Variants in RNPC3 observed in about 807,000 individuals in gnomAD.
RNPC3 encodes RNA binding region (RNP1, RRM) containing 3, also known as RNA-binding region-containing protein 3.
Under a neutral mutation model 67.5 loss-of-function variants are expected in RNPC3, and 48 were observed. The ratio of observed to expected loss-of-function variants is 0.71; its 90% CI spans 0.56 to 0.90. The LOEUF is 0.90. Ranked by LOEUF, RNPC3 falls within the 40% of genes least tolerant of loss-of-function variation. The pLI is 0.00. For missense variants in RNPC3, 637 were observed against 626.1 expected, an observed-to-expected ratio of 1.02 and a Z score of -0.19; for synonymous variants, 239 against 210.3, an observed-to-expected ratio of 1.14 and a Z score of -1.18.
rs1321796342 is a variant in RNPC3 at position 103,536,134 on chromosome 1, T to C, written c.564T>C (p.His188=). The stretch of plus-strand genomic sequence containing the variant: ...TGTCTTACCACTTTAAGGTCCTTCA[T>C]CTTATGAATAAAATGAATTTGCCCA... The part of the protein sequence containing the change: ...SVPKFYVQVL[H]LMNKMNLPTP... Residue 188 remains histidine, a synonymous_variant, in exon 6 of 15, where the codon CAT becomes CAC. Coordinates refer to ENST00000423855, the MANE Select transcript of RNPC3 (RefSeq NM_017619.4). 1 of 1,534,570 alleles carries C rather than the reference T, an allele frequency of 6.5e-7. No homozygotes were observed. The highest frequency in any genetic ancestry group is 1.4e-5 in the African/African-American group (1 of 72,980).
At chr1:103,549,034 C>G (rs1651315990) in intron 12 of RNPC3, among the ~76,000 whole-genome samples, 1 of 152,156 alleles carries the variant, frequency 6.6e-6, no homozygotes. Context: ...AGACCCACCC[C>G]TATAATTCAA....
Position 103,535,342 on chromosome 1 carries a change from T to G in RNPC3, c.456T>G (p.Pro152=). The G allele has an allele frequency of 6.5e-7, 1 of 1,533,664 alleles. No individual in the cohort carries two copies. Among genetic ancestry groups the G allele is most frequent in the Non-Finnish European group, 8.7e-7 (1 of 1,144,652 alleles). The change falls in exon 5 of 15, where the codon CCT becomes CCG. Residue 152 remains proline, a synonymous_variant. Coordinates refer to ENST00000423855, the MANE Select transcript of RNPC3 (RefSeq NM_017619.4). ...GIAPNHGLTF[P]LNSCLKYMYP... The stretch of plus-strand genomic sequence containing the variant: ...TTTTGTTTTATAGGCTGACTTTTCC[T>G]TTAAATTCATGCCTCAAGTATATGT...
Position 103,525,716 on chromosome 1 carries a change from T to C in RNPC3, c.-355T>C, listed in dbSNP as rs1344865283. The C allele has an allele frequency of 6.2e-6, 1 of 161,278 alleles. No homozygotes were observed. Among genetic ancestry groups the C allele is most frequent in the Non-Finnish European group, 1.4e-5 (1 of 73,546 alleles). The allele number at this position is 161,278 out of a possible 1,614,324, so 10.0% of individuals were successfully genotyped here. On this transcript the variant is annotated 5_prime_UTR_variant, in exon 1 of 15. Transcript: ENST00000423855. The stretch of plus-strand genomic sequence containing the variant: ...GCACATGCGCAGTCGTGAGTCCTCT[T>C]GTCCTTGAGCGTCAACCTTCTTTCC...
intron 2 of RNPC3, among the ~76,000 whole-genome samples, chr1:103,530,288 A>G (rs1650817777): frequency 6.6e-6 from 1 of 152,194 alleles, no homozygotes; most frequent in African/African-American, 2.4e-5. Flanking sequence ...ATGCTATGGA[A>G]AAAGGACAAG....
At chr1:103,539,811 C>G (rs1385214614) in intron 7 of RNPC3, among the ~76,000 whole-genome samples, 4 of 152,116 alleles carry the variant, frequency 2.6e-5, no homozygotes, top group Non-Finnish European at 4.4e-5. Context: ...TTTTTGAGTA[C>G]CAGTATGATA....
At chr1:103,537,873 C>G (rs770573547) in intron 7 of RNPC3, among the ~76,000 whole-genome samples, 1 of 151,796 alleles carries the variant, frequency 6.6e-6, no homozygotes, top group Non-Finnish European at 1.5e-5. Context: ...TACGGAGTTT[C>G]GCTCTTATTG....
intron 14 of RNPC3, chr1:103,553,740 A>G (rs1651456028): frequency 6.6e-6 from 1 of 152,246 alleles, no homozygotes; most frequent in Non-Finnish European, 1.5e-5. Context: ...TTTAAAAAGT[A>G]CTTACATTGA....
chr1:103,542,098 G>A (rs1651136413), intron 8 of RNPC3, among the ~76,000 whole-genome samples: 1 of 152,150 alleles, frequency 6.6e-6, no homozygotes, highest in South Asian at 2.1e-4. Context: ...CAAACAGTGA[G>A]TTAATAGTCT....
At chr1:103,527,458 A>G (rs948049408) in intron 1 of RNPC3, among the ~76,000 whole-genome samples, 6 of 152,216 alleles carry the variant, frequency 3.9e-5, no homozygotes, top group Non-Finnish European at 8.8e-5. Context: ...AACTATTTGC[A>G]TGTGTAAAAC....
chr1:103,549,881 G>A lies in RNPC3; in HGVS notation c.1362-1060G>A, dbSNP rs1570627095. On this transcript the variant is annotated intron_variant, in intron 12 of 14. Coordinates refer to ENST00000423855, the MANE Select transcript of RNPC3 (RefSeq NM_017619.4). ...GCTTATAATAATATAATGAACTCTA[G>A]GCCAGGTGTGGTGGTTCATGCCTGT... Among the ~76,000 whole-genome samples the A allele has an allele frequency of 3.3e-5, 5 of 152,094 alleles. 1 individual carries two copies. The East Asian group carries it at 9.6e-4, about 29-fold the overall frequency.
At chr1:103,543,479 A>C (rs771321119) in intron 9 of RNPC3, 32 bp downstream of exon 9, 1 of 1,371,006 alleles carries the variant, frequency 7.3e-7, no homozygotes, top group South Asian at 1.6e-5. Flanking sequence ...CACATGCTGA[A>C]ATCAACTTAT....
chr1:103,526,277 C>T lies in RNPC3; in HGVS notation c.192+15C>T. On this transcript the variant is annotated intron_variant, in intron 1 of 14. Coordinates refer to ENST00000423855, the MANE Select transcript of RNPC3 (RefSeq NM_017619.4). ...AGGGGCGACTGGTAAGGGCGCGCCC[C>T]TCCGGAGTCTCCCGGGAAGGCATTT... 3 of 1,513,978 alleles carry T rather than the reference C, an allele frequency of 2.0e-6. No individual in the cohort carries two copies. The highest frequency in any genetic ancestry group is 2.5e-5 in the South Asian group (2 of 80,896). 93.8% of individuals were successfully genotyped at this position (1,513,978 alleles called of 1,614,324 possible).
chr1:103,534,800 A>T lies in RNPC3; in HGVS notation c.386A>T (p.Lys129Ile). Residue 129 changes from lysine (K) to isoleucine (I), a missense_variant, in exon 4 of 15, where the codon AAA (lysine) becomes ATA (isoleucine). This residue lies in a region of RNPC3 where 536 missense variants were observed against 500.3 expected (regional missense o/e 1.07). Coordinates refer to ENST00000423855, the MANE Select transcript of RNPC3 (RefSeq NM_017619.4). Reference sequence around the variant, plus strand: ...TCTGATGACCCTGTCGAAGATGATAAAGAAAAAAAAGAACTTGGTTATTTA... The same window carrying T: ...TCTGATGACCCTGTCGAAGATGATATAGAAAAAAAAGAACTTGGTTATTTA... Reference protein sequence around the residue: ...KRSDDPVEDDKEKKELGYLTV... With the variant: ...KRSDDPVEDDIEKKELGYLTV... 1 of 1,532,212 alleles carries T rather than the reference A, an allele frequency of 6.5e-7. No homozygotes were observed. Among genetic ancestry groups the T allele is most frequent in the South Asian group, 1.2e-5 (1 of 83,508 alleles). 94.9% of individuals were successfully genotyped at this position (1,532,212 alleles called of 1,614,324 possible).
chr1:103,546,669 C>T (rs1365862767), intron 11 of RNPC3: 2 of 330,094 alleles, frequency 6.1e-6, no homozygotes, highest in African/African-American at 4.3e-5. Context: ...TTGGTTCATT[C>T]TGAGGGCTTT....
rs1650692316 is a variant in RNPC3 at position 103,525,988 on chromosome 1, A to C, written c.-83A>C. 5.3e-6 allele frequency: 6 copies of C among 1,137,892 alleles called. No individual in the cohort carries two copies. In the South Asian group the frequency reaches 8.1e-5, roughly 15 times the overall value. The allele number at this position is 1,137,892 out of a possible 1,614,324, so 70.5% of individuals were successfully genotyped here. ...AGAATCCTTAGCGCGAGGCGGAAAA[A>C]ATATTTCTCCCAGCTTGTGTTGATG... On this transcript the variant is annotated 5_prime_UTR_variant, in exon 1 of 15. Transcript: ENST00000423855.
chr1:103,555,103 T>C lies in RNPC3; in HGVS notation c.*82T>C, dbSNP rs1011326385. 2.0e-5 allele frequency: 3 copies of C among 152,068 alleles called. No homozygotes were observed. The highest frequency in any genetic ancestry group is 4.4e-5 in the Non-Finnish European group (3 of 67,986). The allele number at this position is 152,068 out of a possible 1,614,324, so 9.4% of individuals were successfully genotyped here. On this transcript the variant is annotated 3_prime_UTR_variant, in exon 15 of 15. Coordinates refer to ENST00000423855, the MANE Select transcript of RNPC3 (RefSeq NM_017619.4). Reference sequence around the variant, plus strand: ...AGGAAGAAATTGACCACCTGGACTATGGAACTGTGCGTAACAGCTTTGAAA... The same window carrying C: ...AGGAAGAAATTGACCACCTGGACTACGGAACTGTGCGTAACAGCTTTGAAA...
At chr1:103,553,965 T>C (rs1404094134) in intron 14 of RNPC3, 1 of 152,188 alleles carries the variant, frequency 6.6e-6, no homozygotes, top group Non-Finnish European at 1.5e-5. Context: ...TTGGCAGGTA[T>C]ATAGGAATAG....
chr1:103,533,691 A>G (rs1373995177), intron 2 of RNPC3, 48 bp from the exon 3 acceptor site: 2 of 1,038,624 alleles, frequency 1.9e-6, no homozygotes, highest in Non-Finnish European at 2.8e-6. Context: ...CTAACGAATC[A>G]TTTTTGGTAC....
At chr1:103,540,641 C>T (rs1651104477) in intron 7 of RNPC3, among the ~76,000 whole-genome samples, 1 of 152,158 alleles carries the variant, frequency 6.6e-6, no homozygotes, top group Non-Finnish European at 1.5e-5. Context: ...TCCTTCCTCT[C>T]TTTTGTATTT....
Sources: allele counts gnomAD v4.1 joint callset (sites outside exome capture counted in the v4.1 genomes callset), GRCh38; gene constraint gnomAD v4.1.1; regional missense constraint gnomAD v4.1.1; transcripts MANE v1.5; gene names NCBI Gene and HGNC (gene_info 2026-07-23, HGNC 2026-07-21).